BRMS1L: variants seen among roughly 807,000 people sequenced by gnomAD.
BRMS1L encodes the protein BRMS1 like transcriptional repressor.
In BRMS1L, 23 loss-of-function variants were observed where a neutral mutation model predicts 50.3. That is an observed-to-expected ratio of 0.46 (90% CI 0.33 to 0.65). BRMS1L has a LOEUF of 0.65. Ranked by LOEUF, BRMS1L falls within the 30% of genes least tolerant of loss-of-function variation. The pLI is 0.02. For synonymous variants in BRMS1L, 114 were observed against 126.9 expected, an observed-to-expected ratio of 0.90 and a Z score of 0.69; for missense variants, 286 against 386.1, an observed-to-expected ratio of 0.74 and a Z score of 2.17.
intron 1 of BRMS1L, among the ~76,000 whole-genome samples, chr14:35,827,762 G>A (rs1245049867): frequency 6.6e-6 from 1 of 152,210 alleles, no homozygotes; most frequent in Non-Finnish European, 1.5e-5. Flanking sequence ...GTTGCTGTAG[G>A]AATTCAGAGG....
chr14:35,865,699 CTTTT>C lies in BRMS1L; in HGVS notation c.688-11_688-8del. 59 of 1,408,306 alleles carry C rather than the reference CTTTT, an allele frequency of 4.2e-5. No individual in the cohort carries two copies. The highest frequency in any genetic ancestry group is 9.3e-5 in the Admixed American group (4 of 43,108). 87.2% of individuals were successfully genotyped at this position (1,408,306 alleles called of 1,614,324 possible). A position where few individuals can be genotyped will look rare whatever the true frequency, so the allele number is the denominator to read the frequency against. On this transcript the variant is annotated intron_variant, in intron 7 of 9. Transcript: ENST00000216807. The stretch of plus-strand genomic sequence containing the variant: ...TCTGAACTCAGACTTCTTTCTTCCT[CTTTT>C]TTTTTTTTTTTAATTAAGGCAATGG...
chr14:35,864,885 T>C, intron 6 of BRMS1L, 50 bp from the exon 7 acceptor site: 1 of 1,232,972 alleles, frequency 8.1e-7, no homozygotes. Flanking sequence ...TTTGGAAATA[T>C]AATTCAAAGT....
At chr14:35,834,990 TAA>T in intron 4 of BRMS1L, 67 bp downstream of exon 4, 1 of 1,167,462 alleles carries the variant, frequency 8.6e-7, no homozygotes. Context: ...GTGTAGTAGT[TAA>T]AAAAGTAAAC....
chr14:35,862,787 A>G (rs1268130973), intron 5 of BRMS1L, 101 bp downstream of exon 5: 14 of 555,798 alleles, frequency 2.5e-5, no homozygotes, highest in Non-Finnish European at 3.7e-5. Flanking sequence ...ATATTATGTA[A>G]ATGAAATGTC....
chr14:35,849,922 C>T (rs149767141), intron 4 of BRMS1L, among the ~76,000 whole-genome samples: 4 of 151,552 alleles, frequency 2.6e-5, no homozygotes, highest in African/African-American at 7.3e-5. Flanking sequence ...CGGGATCAAG[C>T]GATTCTCGTG....
At chr14:35,863,831 C>T in intron 5 of BRMS1L, 39 bp from the exon 6 acceptor site, 1 of 1,565,542 alleles carries the variant, frequency 6.4e-7, no homozygotes, top group Non-Finnish European at 8.7e-7. Flanking sequence ...CTTTGTTCAC[C>T]AGAAACCCAC....
At chr14:35,865,133 T>A in intron 7 of BRMS1L, 134 bp downstream of exon 7, 1 of 581,264 alleles carries the variant, frequency 1.7e-6, no homozygotes, top group Non-Finnish European at 2.9e-6. Flanking sequence ...TAAGGCAATT[T>A]AATACTATTA....
chr14:35,850,066 C>A (rs963386720), intron 4 of BRMS1L, among the ~76,000 whole-genome samples: 5 of 152,104 alleles, frequency 3.3e-5, no homozygotes, highest in Admixed American at 2.0e-4. Context: ...AAGTGATCCA[C>A]CCGCCTCGGC....
chr14:35,866,899 C>T (rs2078429057), intron 8 of BRMS1L, among the ~76,000 whole-genome samples: 2 of 152,082 alleles, frequency 1.3e-5, no homozygotes, highest in African/African-American at 4.8e-5. Flanking sequence ...GTGTCTCCCT[C>T]CCACTCTTAT....
chr14:35,868,161 C>G, intron 9 of BRMS1L, 129 bp downstream of exon 9: 1 of 850,524 alleles, frequency 1.2e-6, no homozygotes, highest in Non-Finnish European at 1.7e-6. Flanking sequence ...TTTCACTTGA[C>G]ATATGGCTTG....
intron 4 of BRMS1L, among the ~76,000 whole-genome samples, chr14:35,841,360 G>T (rs183112455): frequency 7.3e-5 from 11 of 151,146 alleles, no homozygotes; most frequent in Admixed American, 2.0e-4. Context: ...TCCCCCAGGC[G>T]CAATCTCGGC....
At chr14:35,857,982 A>G (rs1373365542) in intron 4 of BRMS1L, among the ~76,000 whole-genome samples, 6 of 151,250 alleles carry the variant, frequency 4.0e-5, no homozygotes, top group Non-Finnish European at 8.8e-5. Context: ...CACAAAATAA[A>G]GAGCATGTTA....
At chr14:35,852,618 A>C (rs2078225710) in intron 4 of BRMS1L, among the ~76,000 whole-genome samples, 1 of 152,154 alleles carries the variant, frequency 6.6e-6, no homozygotes, top group Non-Finnish European at 1.5e-5. Flanking sequence ...TTGTGGTTGT[A>C]AATGGGATTG....
At chr14:35,842,169 C>T (rs58454279) in intron 4 of BRMS1L, among the ~76,000 whole-genome samples, 13 of 152,082 alleles carry the variant, frequency 8.5e-5, no homozygotes, top group African/African-American at 2.9e-4. Context: ...GCATTTAGCC[C>T]GTTTACATTT....
intron 1 of BRMS1L, 62 bp downstream of exon 1, chr14:35,826,720 G>T: frequency 6.3e-7 from 1 of 1,585,222 alleles, no homozygotes; most frequent in Non-Finnish European, 8.6e-7. Context: ...GCCGCTCTCC[G>T]CACGCCAGGC....
intron 4 of BRMS1L, among the ~76,000 whole-genome samples, chr14:35,844,893 A>G (rs2078113915): frequency 6.6e-6 from 1 of 152,148 alleles, no homozygotes; most frequent in Admixed American, 6.5e-5. Flanking sequence ...TTTTTTTTAA[A>G]CTTTAGAGAC....
intron 4 of BRMS1L, among the ~76,000 whole-genome samples, chr14:35,855,320 G>A (rs529574346): frequency 1.3e-5 from 2 of 152,240 alleles, no homozygotes; most frequent in African/African-American, 4.8e-5. Flanking sequence ...TTGAATTCCT[G>A]TTCTTCAACA....
intron 4 of BRMS1L, among the ~76,000 whole-genome samples, chr14:35,860,029 T>C (rs2078329384): frequency 6.6e-6 from 1 of 152,244 alleles, no homozygotes; most frequent in South Asian, 2.1e-4. Flanking sequence ...ATATTTTCTT[T>C]TAGCTTTCAT....
intron 4 of BRMS1L, 103 bp from the exon 5 acceptor site, chr14:35,862,487 C>T: frequency 1.9e-6 from 1 of 525,100 alleles, no homozygotes; most frequent in Non-Finnish European, 3.1e-6. Flanking sequence ...AAAAAGCAAA[C>T]CAAAGCATCA....
Sources: allele counts gnomAD v4.1 joint callset (sites outside exome capture counted in the v4.1 genomes callset), GRCh38; gene constraint gnomAD v4.1.1; transcripts MANE v1.5; gene names NCBI Gene and HGNC (gene_info 2026-07-23, HGNC 2026-07-21).